The following ERBB4 variants were observed in gnomAD, a reference collection of about 807,000 sequenced individuals.
ERBB4 encodes erb-b2 receptor tyrosine kinase 4.
ERBB4 carries 42 observed loss-of-function variants against 158.0 expected under a neutral mutation model. The ratio of observed to expected loss-of-function variants is 0.27; its 90% CI spans 0.21 to 0.34. The LOEUF (loss-of-function observed/expected upper bound fraction) is 0.34. ERBB4 is among the 10% of genes least tolerant of loss of function. The pLI, the probability that ERBB4 is intolerant of heterozygous loss-of-function variation, is 1.00. For synonymous variants in ERBB4, 583 were observed against 558.7 expected (o/e 1.04, Z -0.61); for missense variants, 1,333 against 1,624.1 (o/e 0.82, Z 3.08).
At chr2:211,419,905 A>G (rs1416107171) in intron 25 of ERBB4, among the ~76,000 whole-genome samples, 2 of 152,088 alleles carry the variant, frequency 1.3e-5, no homozygotes, top group Non-Finnish European at 2.9e-5. Context: ...TACTTCTTAA[A>G]AACAAAAATC....
At position 211,540,188 on chromosome 2, in the gene ERBB4, T is replaced by TTATATATA. The variant is rs571359851; in HGVS notation, c.2487+21707_2487+21714dup. The stretch of plus-strand genomic sequence containing the variant: ...TAATATTGTCCCTGACCTACATGAT[T>TTATATATA]TATATATATATATATATACACACAC... On this transcript the variant is annotated intron_variant, in intron 20 of 27. Coordinates refer to ENST00000342788, the MANE Select transcript of ERBB4 (RefSeq NM_005235.3). Among the ~76,000 whole-genome samples the TTATATATA allele has an allele frequency of 2.1e-5, 3 of 143,976 alleles. No homozygotes were observed. In the East Asian group the frequency reaches 6.1e-4, roughly 29 times the overall value. 94.5% of individuals were successfully genotyped at this position (143,976 alleles called of 152,430 possible).
At chr2:211,550,747 C>T (rs2067071442) in intron 20 of ERBB4, among the ~76,000 whole-genome samples, 1 of 144,292 alleles carries the variant, frequency 6.9e-6, no homozygotes, top group Non-Finnish European at 1.5e-5. Context: ...CACACACATG[C>T]ATTTCATTGG....
intron 3 of ERBB4, among the ~76,000 whole-genome samples, chr2:211,907,605 T>G (rs983077687): frequency 6.6e-6 from 1 of 151,658 alleles, no homozygotes; most frequent in African/African-American, 2.4e-5. Context: ...TCTACTTGGA[T>G]ATTTAGGATT....
intron 2 of ERBB4, among the ~76,000 whole-genome samples, chr2:211,964,928 T>C (rs2081271592): frequency 6.6e-6 from 1 of 152,192 alleles, no homozygotes; most frequent in Non-Finnish European, 1.5e-5. Flanking sequence ...GTGCTCACTG[T>C]TCTTTTTTAC....
At chr2:211,691,527 A>T (rs1279407203) in intron 12 of ERBB4, among the ~76,000 whole-genome samples, 6 of 151,906 alleles carry the variant, frequency 3.9e-5, no homozygotes, top group Non-Finnish European at 7.4e-5. Flanking sequence ...AGCTAATTAG[A>T]AAAACAGGCT....
At chr2:211,470,919 T>C (rs966305957) in intron 20 of ERBB4, among the ~76,000 whole-genome samples, 3 of 152,224 alleles carry the variant, frequency 2.0e-5, no homozygotes, top group African/African-American at 7.2e-5. Flanking sequence ...CATCTATTTC[T>C]CCATCTCCTT....
chr2:212,107,464 G>T (rs2079265853), intron 2 of ERBB4, among the ~76,000 whole-genome samples: 1 of 152,182 alleles, frequency 6.6e-6, no homozygotes, highest in Admixed American at 6.5e-5. Flanking sequence ...TATCTAGGAA[G>T]TAACTAACTT....
chr2:211,432,607 A>C (rs1376388461), intron 20 of ERBB4, among the ~76,000 whole-genome samples: 1 of 40,840 alleles, frequency 2.4e-5, no homozygotes, highest in African/African-American at 3.1e-4. Flanking sequence ...TAAAGGATCA[A>C]AAAAAAAAAA....
intron 20 of ERBB4, among the ~76,000 whole-genome samples, chr2:211,476,703 G>C (rs1025014676): frequency 6.6e-6 from 1 of 152,004 alleles, no homozygotes; most frequent in Non-Finnish European, 1.5e-5. Flanking sequence ...GAAGCGATTT[G>C]TTAAATGATA....
intron 3 of ERBB4, among the ~76,000 whole-genome samples, chr2:211,850,573 T>C (rs574574424): frequency 2.0e-5 from 3 of 151,980 alleles, no homozygotes; most frequent in South Asian, 4.2e-4. Context: ...CTAGTTGGGA[T>C]AACTAGAGAA....
chr2:212,045,125 G>T (rs1260438986), intron 2 of ERBB4, among the ~76,000 whole-genome samples: 1 of 152,144 alleles, frequency 6.6e-6, no homozygotes, highest in Non-Finnish European at 1.5e-5. Context: ...TGACCTTTGG[G>T]ACTTGGATTC....
At chr2:212,132,545 T>C (rs2080137204) in intron 1 of ERBB4, among the ~76,000 whole-genome samples, 2 of 152,182 alleles carry the variant, frequency 1.3e-5, no homozygotes, top group South Asian at 4.1e-4. Flanking sequence ...GAATTTTCTC[T>C]CTGCCTGACT....
At chr2:212,092,010 A>T (rs1419508591) in intron 2 of ERBB4, among the ~76,000 whole-genome samples, 1 of 152,108 alleles carries the variant, frequency 6.6e-6, no homozygotes, top group African/African-American at 2.4e-5. Flanking sequence ...CCCACACGTG[A>T]TATGTCTCCA....
chr2:211,842,713 A>G (rs2077501898), intron 3 of ERBB4, among the ~76,000 whole-genome samples: 1 of 152,164 alleles, frequency 6.6e-6, no homozygotes, highest in Non-Finnish European at 1.5e-5. Flanking sequence ...GAGTTTATTT[A>G]TATTCAAGAT....
intron 1 of ERBB4, among the ~76,000 whole-genome samples, chr2:212,233,036 A>ATT (rs1334433658): frequency 6.6e-6 from 1 of 152,332 alleles, no homozygotes; most frequent in South Asian, 2.1e-4. Flanking sequence ...CACAAATATT[A>ATT]TAAGAGATCA....
At chr2:211,456,990 TTA>T (rs2064398627) in intron 20 of ERBB4, among the ~76,000 whole-genome samples, 1 of 152,166 alleles carries the variant, frequency 6.6e-6, no homozygotes, top group African/African-American at 2.4e-5. Flanking sequence ...AAGTGACAAT[TTA>T]TATATGATAC....
At chr2:211,656,341 T>C (rs2071215836) in intron 16 of ERBB4, among the ~76,000 whole-genome samples, 1 of 152,204 alleles carries the variant, frequency 6.6e-6, no homozygotes, top group Non-Finnish European at 1.5e-5. Context: ...GTATTCTTCA[T>C]CCAAAATTCC....
intron 4 of ERBB4, among the ~76,000 whole-genome samples, chr2:211,758,172 A>G (rs947913587): frequency 6.6e-6 from 1 of 152,236 alleles, no homozygotes; most frequent in Non-Finnish European, 1.5e-5. Context: ...TGAAATAAAC[A>G]TGAACATACT....
intron 2 of ERBB4, among the ~76,000 whole-genome samples, chr2:212,053,446 G>A (rs1184581638): frequency 2.0e-5 from 3 of 151,826 alleles, no homozygotes; most frequent in Non-Finnish European, 2.9e-5. Context: ...CATAGTATGG[G>A]CCACAACTCT....
Sources: gnomAD v4.1 joint callset for allele counts (sites outside exome capture counted in the v4.1 genomes callset) on GRCh38, gnomAD v4.1.1 for gene constraint, MANE v1.5 for transcripts, NCBI Gene and HGNC (gene_info 2026-07-23, HGNC 2026-07-21) for gene names.